The following EFCAB11 variants were observed in gnomAD, a reference collection of about 807,000 sequenced individuals.
EFCAB11 encodes EF-hand calcium binding domain 11, also known as EF-hand calcium-binding domain-containing protein 11.
In EFCAB11, 14 loss-of-function variants were observed where a neutral mutation model predicts 23.0. That is an observed-to-expected ratio of 0.61 (90% CI 0.40 to 0.95). The LOEUF (loss-of-function observed/expected upper bound fraction) is 0.95. Ranked by LOEUF, EFCAB11 falls within the 40% of genes least tolerant of loss-of-function variation. The probability of loss-of-function intolerance (pLI) is 0.00; values close to 1 mark genes in which losing one functional copy is unlikely to be tolerated. For synonymous variants in EFCAB11, 65 were observed against 66.6 expected, an observed-to-expected ratio of 0.98 and a Z score of 0.11; for missense variants, 198 against 195.8, an observed-to-expected ratio of 1.01 and a Z score of -0.07.
intron 5 of EFCAB11, among the ~76,000 whole-genome samples, chr14:89,878,443 A>T (rs1888507269): frequency 6.6e-6 from 1 of 152,210 alleles, no homozygotes; most frequent in Non-Finnish European, 1.5e-5. Context: ...TATTTACAAT[A>T]AAGTATTAGA....
chr14:89,823,736 A>G (rs1336873698), intron 5 of EFCAB11, among the ~76,000 whole-genome samples: 1 of 152,228 alleles, frequency 6.6e-6, no homozygotes. Flanking sequence ...ACAGAAATGG[A>G]AAGTATTTTT....
intron 5 of EFCAB11, among the ~76,000 whole-genome samples, chr14:89,821,823 A>C (rs1886528411): frequency 6.6e-6 from 1 of 152,350 alleles, no homozygotes; most frequent in East Asian, 1.9e-4. Context: ...ACACTCATGT[A>C]ATAATGAGCA....
At chr14:89,886,914 A>T (rs1014247921) in intron 5 of EFCAB11, among the ~76,000 whole-genome samples, 44 of 152,348 alleles carry the variant, frequency 2.9e-4, no homozygotes, top group African/African-American at 1.0e-3. Context: ...GCTAATTATT[A>T]TAACCTAAAC....
At chr14:89,800,523 C>A (rs1333314487) in intron 5 of EFCAB11, among the ~76,000 whole-genome samples, 1 of 152,168 alleles carries the variant, frequency 6.6e-6, no homozygotes, top group African/African-American at 2.4e-5. Context: ...TTAAGCAGCT[C>A]CCCTTTTACC....
chr14:89,908,558 T>C (rs559574215), intron 5 of EFCAB11, among the ~76,000 whole-genome samples: 13 of 152,266 alleles, frequency 8.5e-5, no homozygotes, highest in Admixed American at 8.5e-4. Context: ...CTTAAATGAA[T>C]TTTGTGTTTA....
intron 3 of EFCAB11, among the ~76,000 whole-genome samples, chr14:89,943,799 ATGTT>A (rs1402915249): frequency 6.6e-6 from 1 of 152,132 alleles, no homozygotes; most frequent in East Asian, 1.9e-4. Flanking sequence ...CTTTTCTTGA[ATGTT>A]TGTGGTCTTG....
At chr14:89,803,953 T>C (rs537112109) in intron 5 of EFCAB11, among the ~76,000 whole-genome samples, 2 of 152,256 alleles carry the variant, frequency 1.3e-5, no homozygotes, top group Admixed American at 6.5e-5. Context: ...CAGGAAAGAC[T>C]AAAGAGATAT....
At chr14:89,950,010 T>C (rs995451663) in intron 3 of EFCAB11, 87 bp downstream of exon 3, 5 of 1,364,946 alleles carry the variant, frequency 3.7e-6, no homozygotes, top group Non-Finnish European at 4.0e-6. Context: ...CACATAGGAA[T>C]TTGAGATGAG....
intron 5 of EFCAB11, among the ~76,000 whole-genome samples, chr14:89,800,186 C>T (rs994635430): frequency 2.7e-5 from 3 of 109,858 alleles, no homozygotes; most frequent in Non-Finnish European, 5.6e-5. Context: ...AACTCAATCT[C>T]GTAAACAAAC....
intron 5 of EFCAB11, among the ~76,000 whole-genome samples, chr14:89,918,101 T>A (rs1158752618): frequency 6.6e-6 from 1 of 151,972 alleles, no homozygotes; most frequent in African/African-American, 2.4e-5. Flanking sequence ...TATGAGTATA[T>A]CTTCAGGCAG....
At chr14:89,861,766 GCTCTTGT>G (rs1376762914) in intron 5 of EFCAB11, among the ~76,000 whole-genome samples, 1 of 152,146 alleles carries the variant, frequency 6.6e-6, no homozygotes, top group East Asian at 1.9e-4. Context: ...TGACATACAT[GCTCTTGT>G]CATCTCTCCA....
At chr14:89,952,952 A>T in intron 2 of EFCAB11, among the ~76,000 whole-genome samples, 1 of 152,160 alleles carries the variant, frequency 6.6e-6, no homozygotes, top group East Asian at 1.9e-4. Flanking sequence ...CTCTCGAATG[A>T]ATGTAACAGG....
At chr14:89,897,495 C>T (rs117288480) in intron 5 of EFCAB11, among the ~76,000 whole-genome samples, 8,213 of 152,106 alleles carry the variant, frequency 0.054, 380 homozygotes, top group African/African-American at 0.12. Flanking sequence ...CATGAGCCAC[C>T]GCGCCCAGCC....
intron 3 of EFCAB11, among the ~76,000 whole-genome samples, chr14:89,943,001 C>T (rs534714153): frequency 6.6e-6 from 1 of 152,256 alleles, no homozygotes; most frequent in South Asian, 2.1e-4. Flanking sequence ...GACTCTGGCC[C>T]TTCCTAAAAG....
chr14:89,909,814 C>T (rs1277767076), intron 5 of EFCAB11, among the ~76,000 whole-genome samples: 1 of 152,150 alleles, frequency 6.6e-6, no homozygotes, highest in Non-Finnish European at 1.5e-5. Flanking sequence ...TTCATGCTCT[C>T]CCGCTGACCT....
chr14:89,822,189 G>C (rs902317602), intron 5 of EFCAB11, among the ~76,000 whole-genome samples: 34 of 152,130 alleles, frequency 2.2e-4, no homozygotes, highest in Non-Finnish European at 4.0e-4. Context: ...TGCACCTAAA[G>C]CCAGTTCAAA....
intron 5 of EFCAB11, among the ~76,000 whole-genome samples, chr14:89,820,001 T>C (rs1886457802): frequency 6.6e-6 from 1 of 152,168 alleles, no homozygotes; most frequent in Admixed American, 6.5e-5. Flanking sequence ...GCTCATCAAT[T>C]TACCATAAAG....
At chr14:89,837,921 A>G (rs762488975) in intron 5 of EFCAB11, among the ~76,000 whole-genome samples, 4 of 152,128 alleles carry the variant, frequency 2.6e-5, no homozygotes, top group Non-Finnish European at 5.9e-5. Context: ...ATGATTAGAG[A>G]TGAAGATAAG....
chr14:89,856,549 C>T (rs146516115), intron 5 of EFCAB11, among the ~76,000 whole-genome samples: 101 of 151,878 alleles, frequency 6.7e-4, no homozygotes, highest in South Asian at 3.1e-3. Context: ...ATGTACATTC[C>T]CAACGGTATA....
Sources: allele counts gnomAD v4.1 joint callset (sites outside exome capture counted in the v4.1 genomes callset), GRCh38; gene constraint gnomAD v4.1.1; transcripts MANE v1.5; gene names NCBI Gene and HGNC (gene_info 2026-07-23, HGNC 2026-07-21).